The following WDR7 variants were observed in gnomAD, a reference collection of about 807,000 sequenced individuals.
The protein encoded by WDR7 is WD repeat domain 7.
In WDR7, 46 loss-of-function variants were observed where a neutral mutation model predicts 169.4. That is an observed-to-expected ratio of 0.27 (90% CI 0.21 to 0.35). The LOEUF (loss-of-function observed/expected upper bound fraction) is 0.35, where lower values mean the gene tolerates loss of function less well. Among genes scored for constraint, WDR7 ranks in the 10% least tolerant of loss-of-function variants. The pLI is 1.00. For missense variants in WDR7, 1,534 were observed against 1,859.3 expected (o/e 0.83, Z 3.22); for synonymous variants, 612 against 666.8 (o/e 0.92, Z 1.27).
chr18:56,708,837 T>G (rs9951378), intron 12 of WDR7, among the ~76,000 whole-genome samples: 1,979 of 152,192 alleles, frequency 0.013, 40 homozygotes, highest in African/African-American at 0.046. Flanking sequence ...CTTGAGAGAC[T>G]GAGGTAGGAG....
At chr18:56,813,089 G>A (rs896671134) in intron 19 of WDR7, among the ~76,000 whole-genome samples, 4 of 150,644 alleles carry the variant, frequency 2.7e-5, no homozygotes, top group African/African-American at 7.3e-5. Flanking sequence ...TAGATGACAC[G>A]TTAGTGGGTG....
At position 57,022,579 on chromosome 18, in the gene WDR7, A is replaced by T. The variant is rs190287530; in HGVS notation, c.4269+1730A>T. On this transcript the variant is annotated intron_variant, in intron 27 of 27. Coordinates refer to ENST00000254442, the MANE Select transcript of WDR7 (RefSeq NM_015285.3). ...TACCTCACATATTAGCCAGATTTGA[A>T]ACTTTTCCCAGTATTTTCAGGAGTA... Among the ~76,000 whole-genome samples, 645 of 152,334 alleles carry T rather than the reference A, an allele frequency of 4.2e-3. 11 individuals are homozygous for T. Among genetic ancestry groups the T allele is most frequent in the African/African-American group, 0.015 (614 of 41,574 alleles).
intron 20 of WDR7, among the ~76,000 whole-genome samples, chr18:56,865,896 A>G (rs541891204): frequency 6.6e-6 from 1 of 152,294 alleles, no homozygotes; most frequent in South Asian, 2.1e-4. Context: ...AACATTAGAT[A>G]CCATGGTCCA....
At chr18:56,892,351 G>A (rs191934844) in intron 21 of WDR7, among the ~76,000 whole-genome samples, 1 of 152,154 alleles carries the variant, frequency 6.6e-6, no homozygotes, top group Non-Finnish European at 1.5e-5. Context: ...CCATAGCTAT[G>A]CTATGTGCTT....
At chr18:56,871,528 A>G (rs1367969193) in intron 20 of WDR7, among the ~76,000 whole-genome samples, 1 of 152,120 alleles carries the variant, frequency 6.6e-6, no homozygotes, top group Non-Finnish European at 1.5e-5. Context: ...AGTAAAACCA[A>G]ATTATCTTTG....
intron 7 of WDR7, 110 bp from the exon 8 acceptor site, chr18:56,691,106 C>G (rs941199162): frequency 6.9e-7 from 1 of 1,452,174 alleles, no homozygotes; most frequent in Non-Finnish European, 9.3e-7. Flanking sequence ...ATGCAGCAAA[C>G]TGAGTTTTCT....
chr18:56,934,333 C>T lies in WDR7; in HGVS notation c.3714-1455C>T, dbSNP rs192474333. On this transcript the variant is annotated intron_variant, in intron 22 of 27. Transcript: ENST00000254442. The stretch of plus-strand genomic sequence containing the variant: ...CCAGAAAAGAAACTGGCCAACTGCC[C>T]ATCTTGCTTTCTCGCAAAACACCTC... 3.2e-3 allele frequency among the ~76,000 whole-genome samples: 493 copies of T among 152,168 alleles called. 2 individuals carry two copies. Among genetic ancestry groups the T allele is most frequent in the Non-Finnish European group, 1.9e-3 (128 of 68,014 alleles).
chr18:56,696,233 C>T lies in WDR7; in HGVS notation c.1358-9C>T, dbSNP rs1014227629. 1.9e-6 allele frequency: 3 copies of T among 1,593,426 alleles called. No individual in the cohort carries two copies. The Admixed American group carries it at 5.3e-5, about 28-fold the overall frequency. On this transcript the variant is annotated splice_polypyrimidine_tract_variant and intron_variant, in intron 11 of 27. Transcript: ENST00000254442. Reference sequence around the variant, plus strand: ...TTTTCCCATTTTAAATCCAAACCCTCATTCACAGGTTGGCCACCTCACAGA... The same window carrying T: ...TTTTCCCATTTTAAATCCAAACCCTTATTCACAGGTTGGCCACCTCACAGA...
Position 56,663,672 on chromosome 18 carries a change from CAT to C in WDR7, c.-19-8816_-19-8815del, listed in dbSNP as rs1323470451. Among the ~76,000 whole-genome samples the C allele has an allele frequency of 2.5e-4, 6 of 24,434 alleles. No homozygotes were observed. The South Asian group carries it at 0.01, about 41-fold the overall frequency. 16.0% of individuals were successfully genotyped at this position (24,434 alleles called of 152,430 possible). Reference sequence around the variant, plus strand: ...CATATATATATGCACAGCATATATACATATATATATGCACAGCATATATGTAG... The same window carrying C: ...CATATATATATGCACAGCATATATACATATATATGCACAGCATATATGTAG... On this transcript the variant is annotated intron_variant, in intron 1 of 27. Transcript: ENST00000254442.
Position 56,779,668 on chromosome 18 carries a change from G to A in WDR7, c.3066+119G>A, listed in dbSNP as rs1029741538. On this transcript the variant is annotated intron_variant, in intron 18 of 27. Transcript: ENST00000254442. ...TTTATCATCTGTTCATTATGTGATAGAAAATGTGGATTCATGATTTATGTT... is the reference window on the plus strand; with the variant it reads ...TTTATCATCTGTTCATTATGTGATAAAAAATGTGGATTCATGATTTATGTT... The A allele has an allele frequency of 4.1e-6, 3 of 722,942 alleles. No homozygotes were observed. The African/African-American group carries it at 5.5e-5, about 13-fold the overall frequency. 44.8% of individuals were successfully genotyped at this position (722,942 alleles called of 1,614,324 possible).
At chr18:56,769,940 G>A (rs1213695990) in intron 16 of WDR7, among the ~76,000 whole-genome samples, 1 of 151,908 alleles carries the variant, frequency 6.6e-6, no homozygotes, top group Non-Finnish European at 1.5e-5. Flanking sequence ...TTTAATTGGT[G>A]TACACCTTTG....
At chr18:56,656,692 T>C (rs555607095) in intron 1 of WDR7, among the ~76,000 whole-genome samples, 62 of 152,218 alleles carry the variant, frequency 4.1e-4, no homozygotes, top group Middle Eastern at 3.4e-3. Flanking sequence ...GCACTTTCTC[T>C]CATCTTTGCC....
chr18:56,813,934 T>C (rs956607805), intron 19 of WDR7, among the ~76,000 whole-genome samples: 29 of 152,174 alleles, frequency 1.9e-4, no homozygotes, highest in Non-Finnish European at 3.8e-4. Context: ...GCACAGGAGC[T>C]CTATGGAATG....
rs756959265 is a variant in WDR7 at position 56,694,602 on chromosome 18, A to G, written c.967-17A>G. ...TTAAAAATACAGCTAAAGATATTCA[A>G]ATACTTTTTTTGGCAGTTGCTAATT... On this transcript the variant is annotated splice_polypyrimidine_tract_variant and intron_variant, in intron 9 of 27. Transcript: ENST00000254442. The G allele has an allele frequency of 6.2e-7, 1 of 1,600,214 alleles. No homozygotes were observed. Among genetic ancestry groups the G allele is most frequent in the South Asian group, 1.1e-5 (1 of 88,920 alleles).
intron 5 of WDR7, among the ~76,000 whole-genome samples, chr18:56,683,877 G>A (rs541733990): frequency 8.5e-5 from 13 of 152,254 alleles, no homozygotes; most frequent in East Asian, 5.8e-4. Flanking sequence ...AATATTTATC[G>A]AATGCCTACA....
At chr18:56,791,526 TAAGC>T (rs34295781) in intron 19 of WDR7, among the ~76,000 whole-genome samples, 4,015 of 152,278 alleles carry the variant, frequency 0.026, 73 homozygotes, top group African/African-American at 0.051. Context: ...TTTTTTTCCT[TAAGC>T]AAGGATCTGT....
intron 26 of WDR7, chr18:57,010,095 C>T: frequency 1.0e-6 from 1 of 985,420 alleles, no homozygotes; most frequent in Non-Finnish European, 1.2e-6. Context: ...CAAGACCATT[C>T]ATGCTGCTGA....
intron 25 of WDR7, among the ~76,000 whole-genome samples, chr18:56,953,688 G>A (rs570400514): frequency 1.8e-4 from 27 of 152,358 alleles, no homozygotes; most frequent in Admixed American, 1.1e-3. Context: ...AAGAGACCCA[G>A]TGCCATGATA....
intron 20 of WDR7, among the ~76,000 whole-genome samples, chr18:56,869,283 A>G (rs1005534955): frequency 2.6e-5 from 4 of 152,226 alleles, no homozygotes; most frequent in African/African-American, 7.2e-5. Context: ...ACATGTGTAT[A>G]CAAGAGGCAT....
Sources: gnomAD v4.1 joint callset for allele counts (sites outside exome capture counted in the v4.1 genomes callset) on GRCh38, gnomAD v4.1.1 for gene constraint, MANE v1.5 for transcripts, NCBI Gene and HGNC (gene_info 2026-07-23, HGNC 2026-07-21) for gene names.